Variants in NEGR1 observed in about 807,000 individuals in gnomAD.
NEGR1 encodes IgLON family member 4.
A neutral mutation model predicts 40.9 loss-of-function variants in NEGR1; 10 were observed. The observed-to-expected ratio is 0.24, with a 90% CI of 0.15 to 0.42. The LOEUF is 0.42. Ranked by LOEUF, NEGR1 falls within the 10% of genes least tolerant of loss-of-function variation. The probability of loss-of-function intolerance (pLI) is 1.00; values close to 1 mark genes in which losing one functional copy is unlikely to be tolerated. For missense variants in NEGR1, 352 were observed against 438.9 expected (o/e 0.80, Z 1.77); for synonymous variants, 185 against 166.8 (o/e 1.11, Z -0.84).
At chr1:71,661,343 T>C (rs1026972524) in intron 4 of NEGR1, among the ~76,000 whole-genome samples, 5 of 152,180 alleles carry the variant, frequency 3.3e-5, no homozygotes, top group African/African-American at 1.2e-4. Context: ...GGGGGTCTTT[T>C]ATAAGGCACA....
At chr1:71,729,406 A>C (rs555051217) in intron 3 of NEGR1, among the ~76,000 whole-genome samples, 84 of 152,268 alleles carry the variant, frequency 5.5e-4, no homozygotes, top group African/African-American at 2.0e-3. Context: ...TATATTATAT[A>C]ATGTATTATT....
Position 72,198,438 on chromosome 1 carries a change from G to T in NEGR1, c.176+83881C>A, listed in dbSNP as rs114095877. On this transcript the variant is annotated intron_variant, in intron 1 of 6. Coordinates refer to ENST00000357731, the MANE Select transcript of NEGR1 (RefSeq NM_173808.3). ...AACAAGGTGGAAGGAGCCTGACTTT[G>T]TGATAGGAAAACCATACTAGCCCTG... Among the ~76,000 whole-genome samples the T allele has an allele frequency of 9.9e-3, 1,502 of 152,062 alleles. 24 individuals are homozygous for T. The highest frequency in any genetic ancestry group is 0.034 in the African/African-American group (1,425 of 41,524).
intron 6 of NEGR1, among the ~76,000 whole-genome samples, chr1:71,511,505 T>C (rs1263378654): frequency 6.6e-6 from 1 of 152,218 alleles, no homozygotes; most frequent in Non-Finnish European, 1.5e-5. Context: ...CTGCATTCAA[T>C]TGTGCATCAG....
At chr1:71,455,003 G>A (rs1646662296) in intron 6 of NEGR1, among the ~76,000 whole-genome samples, 1 of 152,110 alleles carries the variant, frequency 6.6e-6, no homozygotes, top group African/African-American at 2.4e-5. Flanking sequence ...TCACTTTAGG[G>A]ATGGGCACAG....
intron 4 of NEGR1, among the ~76,000 whole-genome samples, chr1:71,654,719 A>T (rs1248311035): frequency 6.6e-6 from 1 of 152,226 alleles, no homozygotes; most frequent in Non-Finnish European, 1.5e-5. Context: ...TTATGAAATC[A>T]TTCTGACAGA....
chr1:72,199,079 T>G (rs1444453802), intron 1 of NEGR1, among the ~76,000 whole-genome samples: 1 of 151,746 alleles, frequency 6.6e-6, no homozygotes, highest in Non-Finnish European at 1.5e-5. Flanking sequence ...AATGTCCTTT[T>G]GCCCTTCAAG....
At chr1:72,148,519 CA>C (rs201880563) in intron 1 of NEGR1, among the ~76,000 whole-genome samples, 27 of 150,246 alleles carry the variant, frequency 1.8e-4, no homozygotes, top group Admixed American at 4.6e-4. Flanking sequence ...AATTTCCCCT[CA>C]AAAAAAAATG....
At chr1:72,090,621 AT>A (rs111607398) in intron 1 of NEGR1, among the ~76,000 whole-genome samples, 9 of 150,382 alleles carry the variant, frequency 6.0e-5, no homozygotes, top group South Asian at 2.1e-4. Context: ...AATTTGGATA[AT>A]TTTTTTTTTA....
At chr1:71,760,790 G>T (rs1197549573) in intron 3 of NEGR1, among the ~76,000 whole-genome samples, 1 of 152,104 alleles carries the variant, frequency 6.6e-6, no homozygotes, top group African/African-American at 2.4e-5. Flanking sequence ...TGGGTGACAG[G>T]CTGTGTACAT....
intron 2 of NEGR1, among the ~76,000 whole-genome samples, chr1:71,873,357 A>G (rs920706582): frequency 6.6e-6 from 1 of 152,042 alleles, no homozygotes; most frequent in African/African-American, 2.4e-5. Context: ...GGTTAACAAA[A>G]CAAAATGTTT....
rs948429448 is a variant in NEGR1 at position 72,032,782 on chromosome 1, G to T, written c.177-97471C>A. 2.0e-5 allele frequency among the ~76,000 whole-genome samples: 3 copies of T among 152,052 alleles called. No homozygotes were observed. In the South Asian group the frequency reaches 6.2e-4, roughly 31 times the overall value. ...CTGAGAAACCTGACCATATTGATTA[G>T]AATCTTGGTGAGGTCACTTCCTAGG... On this transcript the variant is annotated intron_variant, in intron 1 of 6. Transcript: ENST00000357731.
intron 2 of NEGR1, among the ~76,000 whole-genome samples, chr1:71,818,112 A>G (rs1473910519): frequency 6.6e-6 from 1 of 152,032 alleles, no homozygotes; most frequent in Non-Finnish European, 1.5e-5. Context: ...TAGTTCAGCA[A>G]TTGTGAAAAA....
chr1:72,137,523 C>T (rs1441243716), intron 1 of NEGR1, among the ~76,000 whole-genome samples: 1 of 149,962 alleles, frequency 6.7e-6, no homozygotes, highest in Admixed American at 6.7e-5. Context: ...CATGTTGTCA[C>T]TCATAAGTGG....
At chr1:71,750,321 C>T (rs957551307) in intron 3 of NEGR1, among the ~76,000 whole-genome samples, 1 of 152,140 alleles carries the variant, frequency 6.6e-6, no homozygotes, top group Non-Finnish European at 1.5e-5. Flanking sequence ...CGATAAGCCA[C>T]TGTGTTATAT....
intron 1 of NEGR1, among the ~76,000 whole-genome samples, chr1:71,983,040 GATTTAATAC>G (rs936432493): frequency 6.6e-6 from 1 of 151,892 alleles, no homozygotes; most frequent in African/African-American, 2.4e-5. Context: ...ATGCTACCTG[GATTTAATAC>G]ATTTAAAATA....
intron 1 of NEGR1, among the ~76,000 whole-genome samples, chr1:72,072,939 A>G (rs1052789265): frequency 6.6e-6 from 1 of 152,190 alleles, no homozygotes; most frequent in East Asian, 1.9e-4. Flanking sequence ...ACATTTATGT[A>G]CTTTATTTAT....
chr1:71,922,850 G>T (rs1051078547), intron 2 of NEGR1, among the ~76,000 whole-genome samples: 2 of 152,162 alleles, frequency 1.3e-5, no homozygotes, highest in African/African-American at 4.8e-5. Flanking sequence ...GAGGATGGAG[G>T]TGAGTGTTAA....
intron 2 of NEGR1, among the ~76,000 whole-genome samples, chr1:71,922,519 TA>T (rs1645730680): frequency 6.6e-6 from 1 of 152,220 alleles, no homozygotes; most frequent in African/African-American, 2.4e-5. Flanking sequence ...AACATTGGTA[TA>T]AATTTGTTAT....
intron 2 of NEGR1, among the ~76,000 whole-genome samples, chr1:71,809,472 T>C (rs183227715): frequency 2.4e-3 from 366 of 152,290 alleles, no homozygotes; most frequent in African/African-American, 8.3e-3. Flanking sequence ...TTAGGCTTTG[T>C]ATTAGGTATT....
Sources: gnomAD v4.1 joint callset for allele counts (sites outside exome capture counted in the v4.1 genomes callset) on GRCh38, gnomAD v4.1.1 for gene constraint, MANE v1.5 for transcripts, NCBI Gene and HGNC (gene_info 2026-07-23, HGNC 2026-07-21) for gene names.